NTM: variants seen among roughly 807,000 people sequenced by gnomAD.
NTM encodes IgLON family member 2.
A neutral mutation model predicts 42.1 loss-of-function variants in NTM; 13 were observed. The ratio of observed to expected loss-of-function variants is 0.31; its 90% confidence interval spans 0.20 to 0.49. The LOEUF (loss-of-function observed/expected upper bound fraction) is 0.49, where lower values mean the gene tolerates loss of function less well. Ranked by LOEUF, NTM falls within the 20% of genes least tolerant of loss-of-function variation. The probability of loss-of-function intolerance (pLI) is 0.99; values close to 1 mark genes in which losing one functional copy is unlikely to be tolerated. For missense variants in NTM, 373 were observed against 452.8 expected (o/e 0.82, Z 1.60); for synonymous variants, 187 against 179.2 (o/e 1.04, Z -0.35).
intron 2 of NTM, among the ~76,000 whole-genome samples, chr11:132,101,876 T>C (rs576578589): frequency 6.6e-6 from 1 of 152,218 alleles, no homozygotes; most frequent in South Asian, 2.1e-4. Flanking sequence ...TTGTAAAATA[T>C]AAACTATTAT....
chr11:132,074,217 G>A (rs1219603833), intron 2 of NTM, among the ~76,000 whole-genome samples: 3 of 152,192 alleles, frequency 2.0e-5, no homozygotes, highest in African/African-American at 7.2e-5. Context: ...GGAAACTCTT[G>A]ACTGACTTAC....
At chr11:131,511,488 G>A (rs2048240066) in intron 1 of NTM, among the ~76,000 whole-genome samples, 1 of 152,186 alleles carries the variant, frequency 6.6e-6, no homozygotes, top group Non-Finnish European at 1.5e-5. Context: ...GCTTAAGAAT[G>A]GTTTAAATCA....
chr11:131,554,986 A>G (rs1372919721), intron 1 of NTM, among the ~76,000 whole-genome samples: 1 of 152,166 alleles, frequency 6.6e-6, no homozygotes, highest in African/African-American at 2.4e-5. Context: ...CTTTTAAAAA[A>G]GCTATACACT....
intron 1 of NTM, among the ~76,000 whole-genome samples, chr11:131,613,247 G>A (rs190039003): frequency 2.0e-5 from 3 of 152,296 alleles, no homozygotes; most frequent in East Asian, 1.9e-4. Flanking sequence ...AGGCCACTCC[G>A]ACAAGCAGAC....
At chr11:131,736,890 G>A (rs547354040) in intron 1 of NTM, among the ~76,000 whole-genome samples, 9 of 152,272 alleles carry the variant, frequency 5.9e-5, no homozygotes, top group African/African-American at 2.2e-4. Flanking sequence ...CATCACATTT[G>A]CACATGTTAT....
intron 1 of NTM, among the ~76,000 whole-genome samples, chr11:131,787,405 G>A (rs2089440595): frequency 9.8e-6 from 1 of 101,736 alleles, no homozygotes; most frequent in African/African-American, 3.5e-5. Flanking sequence ...TTTTGAGACA[G>A]AGTCTCTCTC....
At chr11:132,155,926 A>G (rs1256397433) in intron 3 of NTM, among the ~76,000 whole-genome samples, 27 of 152,206 alleles carry the variant, frequency 1.8e-4, no homozygotes, top group Admixed American at 1.8e-3. Context: ...TCTCACAGCC[A>G]CTGGAGAGTC....
intron 1 of NTM, among the ~76,000 whole-genome samples, chr11:131,463,858 A>C (rs2078067015): frequency 1.3e-5 from 2 of 152,206 alleles, no homozygotes; most frequent in African/African-American, 4.8e-5. Flanking sequence ...GGAAGGAGAG[A>C]GGATGGGGCC....
chr11:132,196,771 T>C (rs946972789), intron 3 of NTM, among the ~76,000 whole-genome samples: 3 of 151,946 alleles, frequency 2.0e-5, no homozygotes, highest in Admixed American at 2.0e-4. Context: ...AGTGACTACT[T>C]GAGAGGGGGA....
intron 2 of NTM, among the ~76,000 whole-genome samples, chr11:132,033,321 G>A (rs75754967): frequency 0.029 from 4,396 of 152,254 alleles, 223 homozygotes; most frequent in African/African-American, 0.098. Flanking sequence ...GTGTCAGGCC[G>A]TCAAATGTCT....
chr11:132,054,066 T>C (rs1287674879), intron 2 of NTM, among the ~76,000 whole-genome samples: 1 of 152,080 alleles, frequency 6.6e-6, no homozygotes, highest in East Asian at 1.9e-4. Context: ...AAATACAAAA[T>C]TTGCCAGATG....
At chr11:132,268,597 T>C (rs964429818) in intron 4 of NTM, among the ~76,000 whole-genome samples, 54 of 151,700 alleles carry the variant, frequency 3.6e-4, no homozygotes, top group Non-Finnish European at 7.8e-4. Context: ...TGTGGATGTG[T>C]GGAGTGTGGT....
chr11:132,056,743 T>A (rs1382432135), intron 2 of NTM, among the ~76,000 whole-genome samples: 1 of 152,224 alleles, frequency 6.6e-6, no homozygotes. Flanking sequence ...TTTCTTCATT[T>A]AGCCTGCCCC....
intron 1 of NTM, among the ~76,000 whole-genome samples, chr11:131,674,093 G>A (rs987744881): frequency 6.6e-5 from 10 of 152,256 alleles, no homozygotes; most frequent in African/African-American, 2.4e-4. Context: ...ACACAGCGTA[G>A]GGTGAGCAGG....
intron 2 of NTM, among the ~76,000 whole-genome samples, chr11:131,944,263 A>G (rs1440777072): frequency 6.6e-6 from 1 of 152,230 alleles, no homozygotes; most frequent in Non-Finnish European, 1.5e-5. Flanking sequence ...GACTTGCAGT[A>G]GTGAGTTATG....
intron 1 of NTM, among the ~76,000 whole-genome samples, chr11:131,751,373 G>A (rs2082496460): frequency 6.6e-6 from 1 of 151,876 alleles, no homozygotes; most frequent in South Asian, 2.1e-4. Flanking sequence ...GGCGGATCAC[G>A]AGGTCAGGGG....
chr11:132,013,921 A>G (rs1177497117), intron 2 of NTM, among the ~76,000 whole-genome samples: 2 of 152,142 alleles, frequency 1.3e-5, no homozygotes, highest in Admixed American at 6.6e-5. Flanking sequence ...TTCGAAATGT[A>G]CAGTACATTG....
At chr11:131,624,061 T>C (rs982390029) in intron 1 of NTM, among the ~76,000 whole-genome samples, 2 of 152,210 alleles carry the variant, frequency 1.3e-5, no homozygotes, top group African/African-American at 4.8e-5. Flanking sequence ...CCCAGTCATT[T>C]CCTGGGGCAC....
At chr11:131,436,804 G>A (rs1487590637) in intron 1 of NTM, among the ~76,000 whole-genome samples, 3 of 152,210 alleles carry the variant, frequency 2.0e-5, no homozygotes, top group African/African-American at 4.8e-5. Flanking sequence ...TCTGATCTTA[G>A]TTATTTCTTG....
Sources: allele counts gnomAD v4.1 joint callset (sites outside exome capture counted in the v4.1 genomes callset), GRCh38; gene constraint gnomAD v4.1.1; transcripts MANE v1.5; gene names NCBI Gene and HGNC (gene_info 2026-07-23, HGNC 2026-07-21).